Variants in CDH7 observed in about 807,000 individuals in gnomAD.
The protein encoded by CDH7 is cadherin-7.
A neutral mutation model predicts 71.8 loss-of-function variants in CDH7; 25 were observed. That is an observed-to-expected ratio of 0.35 (90% confidence interval 0.25 to 0.49). CDH7 has a LOEUF of 0.49. CDH7 is among the 20% of genes least tolerant of loss of function. The probability of loss-of-function intolerance (pLI) is 0.99; values close to 1 mark genes in which losing one functional copy is unlikely to be tolerated. For synonymous variants in CDH7, 381 were observed against 363.8 expected (o/e 1.05, Z -0.54); for missense variants, 862 against 974.6 (o/e 0.88, Z 1.54).
chr18:65,751,592 G>A (rs1342070845), intron 1 of CDH7, among the ~76,000 whole-genome samples: 1 of 152,194 alleles, frequency 6.6e-6, no homozygotes, highest in African/African-American at 2.4e-5. Flanking sequence ...GCTGGAAGGG[G>A]GTATGCGCCG....
chr18:65,761,308 A>G (rs1430678742), intron 1 of CDH7, among the ~76,000 whole-genome samples: 1 of 152,168 alleles, frequency 6.6e-6, no homozygotes. Flanking sequence ...AAAATTTGAT[A>G]AATTTGTATG....
intron 2 of CDH7, among the ~76,000 whole-genome samples, chr18:65,766,726 C>G (rs1394480878): frequency 6.6e-6 from 1 of 151,754 alleles, no homozygotes; most frequent in African/African-American, 2.4e-5. Flanking sequence ...AGGATCCTTT[C>G]TTTTCTCCTT....
At chr18:65,859,630 A>G (rs1490519043) in intron 9 of CDH7, 78 bp from the exon 10 acceptor site, 2 of 827,444 alleles carry the variant, frequency 2.4e-6, no homozygotes, top group Non-Finnish European at 4.2e-6. Context: ...TATAAAGTGT[A>G]AAATTGCTTT....
intron 8 of CDH7, among the ~76,000 whole-genome samples, chr18:65,858,293 C>T (rs1257149843): frequency 6.6e-6 from 1 of 151,910 alleles, no homozygotes; most frequent in Admixed American, 6.6e-5. Context: ...ATAACAAAGA[C>T]ATCTGGATTT....
chr18:65,793,419 A>AAAAAAAAAAC (rs1910788181), intron 2 of CDH7, among the ~76,000 whole-genome samples: 1 of 128,230 alleles, frequency 7.8e-6, no homozygotes, highest in African/African-American at 3.3e-5. Context: ...ACCCAGTCTC[A>AAAAAAAAAAC]AAAAAAAAAA....
chr18:65,814,732 T>A (rs1483188407), intron 4 of CDH7, 128 bp downstream of exon 4: 16 of 715,328 alleles, frequency 2.2e-5, no homozygotes, highest in Non-Finnish European at 6.5e-6. Flanking sequence ...TATGTCTACT[T>A]TGGTAAGCAT....
At chr18:65,871,713 A>G (rs898284908) in intron 11 of CDH7, among the ~76,000 whole-genome samples, 4 of 152,224 alleles carry the variant, frequency 2.6e-5, no homozygotes, top group African/African-American at 9.6e-5. Flanking sequence ...TGAATGGTGT[A>G]TGAGTGAGAG....
In CDH7 at chr18:65,885,877, A is replaced by G. The variant is rs1914363802; in HGVS notation, c.*4983A>G. The G allele has an allele frequency of 6.6e-6, 1 of 152,166 alleles. No individual in the cohort carries two copies. Among genetic ancestry groups the G allele is most frequent in the South Asian group, 2.1e-4 (1 of 4,828 alleles). The allele number at this position is 152,166 out of a possible 1,614,324, so 9.4% of individuals were successfully genotyped here. On this transcript the variant is annotated 3_prime_UTR_variant, in exon 12 of 12. Coordinates refer to ENST00000397968, the MANE Select transcript of CDH7 (RefSeq NM_004361.5). Reference sequence around the variant, plus strand: ...CAATCTAATTTATATTAAGGTAAGGATTTTGGTGGCTAAGGAAAGAACATT... The same window carrying G: ...CAATCTAATTTATATTAAGGTAAGGGTTTTGGTGGCTAAGGAAAGAACATT...
chr18:65,776,476 C>A (rs1244336254), intron 2 of CDH7, among the ~76,000 whole-genome samples: 2 of 151,732 alleles, frequency 1.3e-5, no homozygotes, highest in African/African-American at 4.8e-5. Flanking sequence ...TTTTCAAATC[C>A]TGAAAGCTAA....
chr18:65,802,697 C>T (rs1272309887), intron 2 of CDH7, among the ~76,000 whole-genome samples: 1 of 152,102 alleles, frequency 6.6e-6, no homozygotes, highest in Admixed American at 6.5e-5. Context: ...GAAGCCTCAG[C>T]TTCAATTTTG....
At chr18:65,823,629 G>C (rs1055866566) in intron 5 of CDH7, among the ~76,000 whole-genome samples, 5 of 151,830 alleles carry the variant, frequency 3.3e-5, no homozygotes, top group African/African-American at 1.2e-4. Context: ...AAAAGTAATA[G>C]CATATGTTAT....
intron 11 of CDH7, among the ~76,000 whole-genome samples, chr18:65,879,417 A>T (rs1444888880): frequency 6.6e-6 from 1 of 152,222 alleles, no homozygotes; most frequent in African/African-American, 2.4e-5. Flanking sequence ...GTATTTGTAG[A>T]TGAATAAAGG....
chr18:65,771,994 A>C (rs1046515561), intron 2 of CDH7, among the ~76,000 whole-genome samples: 2 of 152,170 alleles, frequency 1.3e-5, no homozygotes, highest in African/African-American at 4.8e-5. Context: ...GATTAACATC[A>C]TTCTAGCAAG....
At chr18:65,774,980 CAG>C (rs1909882844) in intron 2 of CDH7, among the ~76,000 whole-genome samples, 1 of 152,108 alleles carries the variant, frequency 6.6e-6, no homozygotes, top group Non-Finnish European at 1.5e-5. Flanking sequence ...AAGAAGATTT[CAG>C]TTTGTTTCCT....
At chr18:65,807,258 C>T (rs894788857) in intron 2 of CDH7, among the ~76,000 whole-genome samples, 13 of 152,056 alleles carry the variant, frequency 8.5e-5, no homozygotes, top group African/African-American at 2.2e-4. Flanking sequence ...TTTAATAAAA[C>T]GCAGCATCAG....
At chr18:65,834,236 T>C (rs1433435649) in intron 6 of CDH7, among the ~76,000 whole-genome samples, 12 of 152,212 alleles carry the variant, frequency 7.9e-5, no homozygotes, top group African/African-American at 2.7e-4. Context: ...GAGAATGGAA[T>C]GGAGATGTGT....
intron 6 of CDH7, among the ~76,000 whole-genome samples, chr18:65,826,696 T>C (rs1912143690): frequency 6.6e-6 from 1 of 151,558 alleles, no homozygotes; most frequent in Admixed American, 6.6e-5. Context: ...GTTATTGTTA[T>C]AATTGAAATG....
At chr18:65,774,297 C>G (rs1324177316) in intron 2 of CDH7, among the ~76,000 whole-genome samples, 1 of 151,756 alleles carries the variant, frequency 6.6e-6, no homozygotes, top group Non-Finnish European at 1.5e-5. Flanking sequence ...TAGTGAATAC[C>G]TTGAAGGAAG....
At chr18:65,780,522 T>G (rs1286456349) in intron 2 of CDH7, among the ~76,000 whole-genome samples, 1 of 138,634 alleles carries the variant, frequency 7.2e-6, no homozygotes, top group Non-Finnish European at 1.5e-5. Context: ...TTTCTACATA[T>G]GGCTAGCCAG....
Sources: gnomAD v4.1 joint callset for allele counts (sites outside exome capture counted in the v4.1 genomes callset) on GRCh38, gnomAD v4.1.1 for gene constraint, MANE v1.5 for transcripts, NCBI Gene and HGNC (gene_info 2026-07-23, HGNC 2026-07-21) for gene names.